Variants in SAMMSON observed in about 807,000 individuals in gnomAD.
SAMMSON encodes the protein long intergenic non-protein coding RNA 1212.
At chr3:70,100,788 CTG>C (rs1214990127) in intron 4 of SAMMSON, among the ~76,000 whole-genome samples, 1 of 152,186 alleles carries the variant, frequency 6.6e-6, no homozygotes, top group Admixed American at 6.6e-5. Context: ...ACATACCAAA[CTG>C]TGTATTATTT....
At chr3:70,099,777 G>C (rs909094804) in intron 4 of SAMMSON, among the ~76,000 whole-genome samples, 1 of 152,088 alleles carries the variant, frequency 6.6e-6, no homozygotes, top group African/African-American at 2.4e-5. Context: ...GGTCCCCTCT[G>C]CAGTTACCTG....
chr3:70,244,953 TATATAAAAATC>T (rs1401140717), intron 4 of SAMMSON, among the ~76,000 whole-genome samples: 2 of 152,142 alleles, frequency 1.3e-5, no homozygotes, highest in South Asian at 4.1e-4. Flanking sequence ...CCAAATTATA[TATATAAAAATC>T]ATACTACTTA....
intron 4 of SAMMSON, among the ~76,000 whole-genome samples, chr3:70,086,523 T>A (rs1335369513): frequency 6.6e-6 from 1 of 152,222 alleles, no homozygotes; most frequent in South Asian, 2.1e-4. Flanking sequence ...CAGCCTGCCC[T>A]GGTTTCTTTC....
At chr3:70,263,691 C>T (rs886506965) in intron 6 of SAMMSON, among the ~76,000 whole-genome samples, 2 of 152,188 alleles carry the variant, frequency 1.3e-5, no homozygotes, top group East Asian at 3.8e-4. Flanking sequence ...CTACCGAGCT[C>T]CCTTCTCTTG....
chr3:70,123,472 G>A (rs1301802689), intron 4 of SAMMSON, among the ~76,000 whole-genome samples: 1 of 152,208 alleles, frequency 6.6e-6, no homozygotes, highest in Non-Finnish European at 1.5e-5. Flanking sequence ...GTTTTGCCAT[G>A]TTGACCAGGC....
rs117600501 is a variant in SAMMSON at position 70,381,130 on chromosome 3, A to G, written n.914-8444A>G. ...CATCTTGGAGAATTTGTTGTATGGTAGAGCAGTGCAGTTCTCATAGCCCAA... is the reference window on the plus strand; with the variant it reads ...CATCTTGGAGAATTTGTTGTATGGTGGAGCAGTGCAGTTCTCATAGCCCAA... On this transcript the variant is annotated intron_variant and non_coding_transcript_variant, in intron 9 of 9. Transcript: ENST00000642114. Among the ~76,000 whole-genome samples, 1,401 of 152,310 alleles carry G rather than the reference A, an allele frequency of 9.2e-3. 18 individuals are homozygous for G. Among genetic ancestry groups the G allele is most frequent in the East Asian group, 0.041 (210 of 5,174 alleles).
intron 7 of SAMMSON, among the ~76,000 whole-genome samples, chr3:70,314,596 G>A (rs1241306900): frequency 6.6e-6 from 1 of 152,074 alleles, no homozygotes; most frequent in Non-Finnish European, 1.5e-5. Context: ...ATATCTAGAT[G>A]AGAAAAGACA....
chr3:70,314,831 A>T (rs1702484621), intron 7 of SAMMSON, among the ~76,000 whole-genome samples: 3 of 152,252 alleles, frequency 2.0e-5, no homozygotes, highest in African/African-American at 7.2e-5. Context: ...TCCTACCCAC[A>T]AACCTGAGAT....
At chr3:70,096,568 A>G (rs541837860) in intron 4 of SAMMSON, among the ~76,000 whole-genome samples, 1 of 152,232 alleles carries the variant, frequency 6.6e-6, no homozygotes, top group South Asian at 2.1e-4. Flanking sequence ...TGCTAACAAG[A>G]CAAAAGTCAC....
At chr3:70,398,761 C>T (rs1013241802) in intron 2 of SAMMSON, among the ~76,000 whole-genome samples, 17 of 152,230 alleles carry the variant, frequency 1.1e-4, no homozygotes, top group Admixed American at 8.5e-4. Flanking sequence ...TGTAAATGCT[C>T]GATGTTCTTC....
chr3:70,202,171 T>A (rs1701246363), intron 4 of SAMMSON, among the ~76,000 whole-genome samples: 1 of 152,092 alleles, frequency 6.6e-6, no homozygotes, highest in Admixed American at 6.6e-5. Context: ...TATCTGGTAA[T>A]GGTTAGTGAC....
intron 3 of SAMMSON, among the ~76,000 whole-genome samples, chr3:70,044,880 ATACTT>A (rs2067118300): frequency 6.8e-6 from 1 of 146,714 alleles, no homozygotes; most frequent in Non-Finnish European, 1.5e-5. Context: ...TTTAAATAAA[ATACTT>A]TAATTATATT....
chr3:70,080,564 T>C (rs1188675579), intron 4 of SAMMSON, among the ~76,000 whole-genome samples: 3 of 152,124 alleles, frequency 2.0e-5, no homozygotes, highest in East Asian at 3.9e-4. Flanking sequence ...TCTGTTTCTA[T>C]TGGCTTATCT....
intron 1 of SAMMSON, among the ~76,000 whole-genome samples, chr3:70,003,256 G>C (rs896155258): frequency 6.6e-6 from 1 of 151,832 alleles, no homozygotes; most frequent in Admixed American, 6.6e-5. Context: ...AGTGTATAGT[G>C]GTTTGTTTTG....
At chr3:70,041,500 A>G (rs980391027) in intron 3 of SAMMSON, among the ~76,000 whole-genome samples, 1 of 152,116 alleles carries the variant, frequency 6.6e-6, no homozygotes, top group African/African-American at 2.4e-5. Context: ...ACATGGTGAT[A>G]ATAGATGAAG....
intron 9 of SAMMSON, among the ~76,000 whole-genome samples, chr3:70,362,680 A>C (rs569685247): frequency 6.6e-6 from 1 of 152,208 alleles, no homozygotes; most frequent in East Asian, 1.9e-4. Context: ...GTATGTATAC[A>C]CATGTGTATC....
At chr3:70,159,299 A>C (rs2106691997) in intron 4 of SAMMSON, among the ~76,000 whole-genome samples, 1 of 151,962 alleles carries the variant, frequency 6.6e-6, no homozygotes, top group Non-Finnish European at 1.5e-5. Flanking sequence ...AACATTAGGT[A>C]TATCTCCTAA....
chr3:70,299,428 TA>T (rs1702324598), intron 7 of SAMMSON, among the ~76,000 whole-genome samples: 1 of 152,106 alleles, frequency 6.6e-6, no homozygotes, highest in Admixed American at 6.6e-5. Context: ...CTAATTTTTC[TA>T]AAAAATAGAT....
At chr3:70,125,102 T>G in intron 4 of SAMMSON, 1 of 1,112,840 alleles carries the variant, frequency 9.0e-7, no homozygotes, top group Non-Finnish European at 1.4e-6. Flanking sequence ...ATCTGGTTTT[T>G]GTCTAGCAGA....
Sources: gnomAD v4.1 joint callset for allele counts (sites outside exome capture counted in the v4.1 genomes callset) on GRCh38, gnomAD v4.1.1 for gene constraint, MANE v1.5 for transcripts, NCBI Gene and HGNC (gene_info 2026-07-23, HGNC 2026-07-21) for gene names.